Variants in MAP3K19 observed in about 807,000 individuals in gnomAD.
MAP3K19 encodes SPS1/STE20-related protein kinase YSK4.
In MAP3K19, 91 loss-of-function variants were observed where a neutral mutation model predicts 114.4. The observed-to-expected ratio is 0.80, with a 90% CI of 0.67 to 0.95. The LOEUF (loss-of-function observed/expected upper bound fraction) is 0.95, where lower values mean the gene tolerates loss of function less well. Among genes scored for constraint, MAP3K19 ranks in the 40% least tolerant of loss-of-function variants. MAP3K19 has a pLI of 0.00. For missense variants in MAP3K19, 1,471 were observed against 1,573.2 expected (o/e 0.94, Z 1.10); for synonymous variants, 518 against 530.5 (o/e 0.98, Z 0.32).
chr2:135,035,493 G>T (rs549116420), intron 2 of MAP3K19, among the ~76,000 whole-genome samples: 1 of 152,290 alleles, frequency 6.6e-6, no homozygotes, highest in South Asian at 2.1e-4. Flanking sequence ...GTGGGAGTTG[G>T]GAAGAAAGGA....
chr2:135,005,333 T>A, intron 6 of MAP3K19, 102 bp downstream of exon 6: 1 of 838,160 alleles, frequency 1.2e-6, no homozygotes. Context: ...TAGGCTCCAG[T>A]GTATGTTGTT....
Position 134,981,441 on chromosome 2 carries a change from A to T in MAP3K19, c.3300T>A (p.Ala1100=), listed in dbSNP as rs1684652549. The T allele has an allele frequency of 6.2e-7, 1 of 1,614,122 alleles. No homozygotes were observed. The highest frequency in any genetic ancestry group is 8.5e-7 in the Non-Finnish European group (1 of 1,180,042). ...GTAGTTTCCGGTATTCCTTTTCAGCAGCTAATTTATTAGAGGTATCCAAAG... is the reference window on the plus strand; with the variant it reads ...GTAGTTTCCGGTATTCCTTTTCAGCTGCTAATTTATTAGAGGTATCCAAAG... ...QVALDTSNKL[A]AEKEYRKLQE... Residue 1100 remains alanine, a synonymous_variant, in exon 12 of 13, where the codon GCT becomes GCA. Coordinates refer to ENST00000392915, the MANE Select transcript of MAP3K19 (RefSeq NM_025052.5).
intron 8 of MAP3K19, among the ~76,000 whole-genome samples, chr2:134,993,649 T>TA (rs936081765): frequency 1.5e-4 from 23 of 152,262 alleles, no homozygotes; most frequent in African/African-American, 3.4e-4. Flanking sequence ...CTGAATTTTT[T>TA]AAAAAAACGC....
chr2:135,039,760 T>C (rs1449881138), intron 2 of MAP3K19, among the ~76,000 whole-genome samples: 1 of 152,178 alleles, frequency 6.6e-6, no homozygotes, highest in Non-Finnish European at 1.5e-5. Flanking sequence ...TGTTGCCACT[T>C]TTACCTGAAT....
chr2:134,990,635 C>T (rs1435109828), intron 9 of MAP3K19, among the ~76,000 whole-genome samples: 1 of 151,940 alleles, frequency 6.6e-6, no homozygotes, highest in African/African-American at 2.4e-5. Flanking sequence ...CGCCACCATG[C>T]CCAGCTAATG....
Position 135,033,228 on chromosome 2 carries a change from T to C in MAP3K19, c.-283-2728A>G, listed in dbSNP as rs1263116624. Among the ~76,000 whole-genome samples, 7 of 106,406 alleles carry C rather than the reference T, an allele frequency of 6.6e-5. No homozygotes were observed. In the East Asian group the frequency reaches 1.9e-3, roughly 28 times the overall value. The allele number at this position is 106,406 out of a possible 152,430, so 69.8% of individuals were successfully genotyped here. ...CCCCTCATCTCCCAGACGAGGCGGC[T>C]GGCCGGGCGGGGGGCTGACCCCCCC... On this transcript the variant is annotated intron_variant, in intron 2 of 12. Coordinates refer to ENST00000392915, the MANE Select transcript of MAP3K19 (RefSeq NM_025052.5).
At chr2:135,025,203 A>C (rs1303084109) in intron 3 of MAP3K19, among the ~76,000 whole-genome samples, 1 of 150,786 alleles carries the variant, frequency 6.6e-6, no homozygotes, top group Non-Finnish European at 1.5e-5. Context: ...GACTTTTTTG[A>C]TATTTCTTTT....
intron 5 of MAP3K19, among the ~76,000 whole-genome samples, chr2:135,014,390 A>G (rs1687447299): frequency 6.6e-6 from 1 of 151,318 alleles, no homozygotes; most frequent in South Asian, 2.1e-4. Flanking sequence ...AAAAAAAGGC[A>G]TGTTGTCCAG....
intron 3 of MAP3K19, among the ~76,000 whole-genome samples, chr2:135,025,901 C>G (rs375417995): frequency 6.6e-6 from 1 of 152,172 alleles, no homozygotes; most frequent in Non-Finnish European, 1.5e-5. Context: ...TAATAGATTA[C>G]AGTGAGGGAA....
chr2:135,005,592 A>C, intron 5 of MAP3K19, 61 bp from the exon 6 acceptor site: 1 of 1,303,326 alleles, frequency 7.7e-7, no homozygotes, highest in Non-Finnish European at 1.1e-6. Context: ...GTTTGTTGGC[A>C]GAGTGAATGT....
chr2:135,005,188 T>C (rs1397493551), intron 6 of MAP3K19, among the ~76,000 whole-genome samples: 4 of 152,296 alleles, frequency 2.6e-5, no homozygotes, highest in South Asian at 4.2e-4. Flanking sequence ...GGGGTACAAG[T>C]GCAGGTTTGT....
At chr2:134,977,365 T>C (rs1684316129) in intron 12 of MAP3K19, among the ~76,000 whole-genome samples, 1 of 136,076 alleles carries the variant, frequency 7.3e-6, no homozygotes, top group Non-Finnish European at 1.6e-5. Context: ...AATTTTTTTT[T>C]TTTTTTTTTT....
intron 12 of MAP3K19, among the ~76,000 whole-genome samples, chr2:134,977,663 A>G (rs147375737): frequency 0.22 from 32,741 of 151,850 alleles, 4,004 homozygotes; most frequent in Middle Eastern, 0.56. Flanking sequence ...CGCCCGGCTA[A>G]TTTTTAAATT....
intron 3 of MAP3K19, among the ~76,000 whole-genome samples, chr2:135,025,544 C>G (rs1688228038): frequency 6.6e-6 from 1 of 151,940 alleles, no homozygotes; most frequent in Admixed American, 6.6e-5. Flanking sequence ...CGCCACCATG[C>G]CCGGCTAATT....
At chr2:134,968,346 T>A (rs1370752006) in intron 12 of MAP3K19, among the ~76,000 whole-genome samples, 1 of 151,624 alleles carries the variant, frequency 6.6e-6, no homozygotes, top group Non-Finnish European at 1.5e-5. Flanking sequence ...GCCATTGTCA[T>A]CATGGCCCGT....
At chr2:134,982,113 CTTTTT>C (rs35219224) in intron 11 of MAP3K19, among the ~76,000 whole-genome samples, 3 of 76,352 alleles carry the variant, frequency 3.9e-5, no homozygotes, top group Non-Finnish European at 5.0e-5. Context: ...CTTTTTCTTT[CTTTTT>C]TTTTTTTTTT....
chr2:134,988,272 A>T lies in MAP3K19; in HGVS notation c.619-19T>A, dbSNP rs182344416. On this transcript the variant is annotated intron_variant, in intron 9 of 12. Transcript: ENST00000392915. Reference sequence around the variant, plus strand: ...GAAGGAACTAAAAGGAAGACAGAAAAAGCTGTGAATGCAGAAACATATATA... The same window carrying T: ...GAAGGAACTAAAAGGAAGACAGAAATAGCTGTGAATGCAGAAACATATATA... 6 of 1,526,652 alleles carry T rather than the reference A, an allele frequency of 3.9e-6. No individual in the cohort carries two copies. Among genetic ancestry groups the T allele is most frequent in the African/African-American group, 1.4e-5 (1 of 72,164 alleles). 94.6% of individuals were successfully genotyped at this position (1,526,652 alleles called of 1,614,324 possible).
At chr2:135,032,575 T>C (rs1574053161) in intron 2 of MAP3K19, among the ~76,000 whole-genome samples, 2 of 130,464 alleles carry the variant, frequency 1.5e-5, no homozygotes, top group Non-Finnish European at 3.0e-5. Context: ...ATAAATAAAA[T>C]GTTGTTTGTT....
intron 1 of MAP3K19, 159 bp from the exon 2 acceptor site, chr2:135,040,661 A>G (rs1197884002): frequency 2.0e-5 from 3 of 152,366 alleles, no homozygotes; most frequent in Non-Finnish European, 2.9e-5. Context: ...TCTTTTATGT[A>G]TAAAATTCTT....
Sources: gnomAD v4.1 joint callset for allele counts (sites outside exome capture counted in the v4.1 genomes callset) on GRCh38, gnomAD v4.1.1 for gene constraint, MANE v1.5 for transcripts, NCBI Gene and HGNC (gene_info 2026-07-23, HGNC 2026-07-21) for gene names.